The following DIAPH2 variants were observed in gnomAD, a reference collection of about 807,000 sequenced individuals.
The protein encoded by DIAPH2 is diaphanous related formin 2, also known as protein diaphanous homolog 2.
In DIAPH2, 35 loss-of-function variants were observed where a neutral mutation model predicts 92.7. The observed-to-expected ratio is 0.38, with a 90% CI of 0.29 to 0.50. DIAPH2 has a LOEUF of 0.50. DIAPH2 is among the 20% of genes least tolerant of loss of function. The pLI is 0.94. For synonymous variants in DIAPH2, 301 were observed against 280.4 expected (o/e 1.07, Z -0.73); for missense variants, 701 against 819.5 (o/e 0.86, Z 1.77).
rs1412403946 is a variant in DIAPH2 at position 97,319,421 on chromosome X, C to G, written c.2845-28695C>G. ...TTTTTTTTTTTGAGACGGAGTCTCG[C>G]TCTTTGGCCCAGGCCAGACTGCAGT... On this transcript the variant is annotated intron_variant, in intron 23 of 26. Transcript: ENST00000324765. 2.8e-5 allele frequency among the ~76,000 whole-genome samples: 3 copies of G among 107,378 alleles called. No homozygotes were observed. In the Admixed American group the frequency reaches 3.0e-4, roughly 11 times the overall value. 93.2% of individuals were successfully genotyped at this position (107,378 alleles called of 115,157 possible).
At chrX:97,049,633 A>G (rs2066506671) in intron 17 of DIAPH2, among the ~76,000 whole-genome samples, 1 of 111,470 alleles carries the variant, frequency 9.0e-6, no homozygotes. Flanking sequence ...ACTAATTTCT[A>G]CATGTTCAAT....
At chrX:97,445,206 G>A (rs2070296527) in intron 26 of DIAPH2, among the ~76,000 whole-genome samples, 1 of 111,052 alleles carries the variant, frequency 9.0e-6, no homozygotes, top group Non-Finnish European at 1.9e-5. Context: ...TCCTGGCAGA[G>A]GAAGATGCAA....
At chrX:97,440,746 A>G (rs1269406108) in intron 26 of DIAPH2, among the ~76,000 whole-genome samples, 2 of 110,999 alleles carry the variant, frequency 1.8e-5, no homozygotes, top group Non-Finnish European at 1.9e-5. Flanking sequence ...AGCAGAGATT[A>G]CATGGACATA....
chrX:97,303,213 G>C (rs887327422), intron 23 of DIAPH2, among the ~76,000 whole-genome samples: 2 of 111,643 alleles, frequency 1.8e-5, no homozygotes, highest in South Asian at 7.5e-4. Flanking sequence ...GGGTTACTTG[G>C]TGTCTTTGGT....
intron 4 of DIAPH2, among the ~76,000 whole-genome samples, chrX:96,804,308 A>T (rs1026380346): frequency 2.7e-5 from 3 of 111,569 alleles, no homozygotes; most frequent in African/African-American, 6.5e-5. Flanking sequence ...ATTTTCTCAA[A>T]TTTAAATATC....
Position 97,290,079 on chromosome X carries a change from A to G in DIAPH2, c.2844+42240A>G, listed in dbSNP as rs183760358. Among the ~76,000 whole-genome samples, 528 of 103,651 alleles carry G rather than the reference A, an allele frequency of 5.1e-3. 4 individuals are homozygous for G. The highest frequency in any genetic ancestry group is 8.5e-3 in the Admixed American group (80 of 9,379). The allele number at this position is 103,651 out of a possible 115,157, so 90.0% of individuals were successfully genotyped here. ...CTTCCCTTGGCAGTAATTTAAATATATATATATATATATATATAATTAGAT... is the reference window on the plus strand; with the variant it reads ...CTTCCCTTGGCAGTAATTTAAATATGTATATATATATATATATAATTAGAT... On this transcript the variant is annotated intron_variant, in intron 23 of 26. Transcript: ENST00000324765.
chrX:97,078,018 T>C (rs1427092932), intron 19 of DIAPH2, among the ~76,000 whole-genome samples: 1 of 111,943 alleles, frequency 8.9e-6, no homozygotes, highest in Non-Finnish European at 1.9e-5. Flanking sequence ...ATTTGATCTA[T>C]TGAGAGAAAA....
intron 25 of DIAPH2, among the ~76,000 whole-genome samples, chrX:97,421,886 G>C (rs2070012220): frequency 9.0e-6 from 1 of 111,120 alleles, no homozygotes; most frequent in African/African-American, 3.3e-5. Flanking sequence ...TGTAACTCCT[G>C]TATCTTTCAA....
chrX:96,864,690 T>C (rs1357038439), intron 4 of DIAPH2, among the ~76,000 whole-genome samples: 2 of 111,764 alleles, frequency 1.8e-5, no homozygotes, highest in African/African-American at 3.3e-5. Context: ...TTCTGTATCT[T>C]TGTGGCCTTG....
In DIAPH2 at chrX:97,603,498, A is replaced by C. The variant is rs2147892834; in HGVS notation, c.*4181A>C. 1 of 111,553 alleles carries C rather than the reference A, an allele frequency of 9.0e-6. No individual in the cohort carries two copies. The highest frequency in any genetic ancestry group is 3.3e-5 in the African/African-American group (1 of 30,685). The allele number at this position is 111,553 out of a possible 1,213,427, so 9.2% of individuals were successfully genotyped here. A position where few individuals can be genotyped will look rare whatever the true frequency, so the allele number is the denominator to read the frequency against. ...TGCTCTCGAACTCCTAGCCTCAAGC[A>C]ATCCACCCATCTTGGCCTCCTAAAG... On this transcript the variant is annotated 3_prime_UTR_variant, in exon 27 of 27. Coordinates refer to ENST00000324765, the MANE Select transcript of DIAPH2 (RefSeq NM_006729.5).
At chrX:97,089,414 G>A (rs2066806715) in intron 19 of DIAPH2, among the ~76,000 whole-genome samples, 1 of 111,715 alleles carries the variant, frequency 9.0e-6, no homozygotes, top group African/African-American at 3.3e-5. Context: ...TAACTAGTTG[G>A]TGGCACAGTA....
At chrX:97,251,604 G>T (rs1014119962) in intron 23 of DIAPH2, among the ~76,000 whole-genome samples, 1 of 111,012 alleles carries the variant, frequency 9.0e-6, no homozygotes, top group Non-Finnish European at 1.9e-5. Flanking sequence ...TGTATTTTTA[G>T]TAAAGAAGGG....
At chrX:97,369,353 G>C (rs2069419564) in intron 24 of DIAPH2, among the ~76,000 whole-genome samples, 1 of 111,137 alleles carries the variant, frequency 9.0e-6, no homozygotes, top group African/African-American at 3.3e-5. Context: ...ATCTTGTAGT[G>C]ATGGTTAGTG....
At chrX:97,240,738 G>A (rs914273405) in intron 22 of DIAPH2, among the ~76,000 whole-genome samples, 4 of 111,320 alleles carry the variant, frequency 3.6e-5, no homozygotes, top group African/African-American at 1.3e-4. Context: ...GTATACAGTG[G>A]GAATGTGTAT....
At chrX:97,075,032 CTT>C in intron 18 of DIAPH2, 133 bp from the exon 19 acceptor site, 1 of 376,161 alleles carries the variant, frequency 2.7e-6, no homozygotes, top group Non-Finnish European at 4.6e-6. Flanking sequence ...AATGGAACAA[CTT>C]TTGTTTGTTC....
chrX:97,420,891 A>G (rs772115240), intron 25 of DIAPH2, among the ~76,000 whole-genome samples: 1 of 112,047 alleles, frequency 8.9e-6, no homozygotes, highest in Non-Finnish European at 1.9e-5. Flanking sequence ...CTTTCTATTT[A>G]TGCCCTCTTC....
chrX:97,205,209 A>C (rs925544731), intron 22 of DIAPH2, among the ~76,000 whole-genome samples: 4 of 112,368 alleles, frequency 3.6e-5, no homozygotes, highest in Non-Finnish European at 7.5e-5. Flanking sequence ...TAAATCCCAA[A>C]ACCATAAAAA....
intron 25 of DIAPH2, among the ~76,000 whole-genome samples, chrX:97,401,238 A>G (rs751559355): frequency 9.1e-6 from 1 of 110,358 alleles, no homozygotes; most frequent in Admixed American, 9.6e-5. Context: ...TTAACCTCCT[A>G]TGATCTTTCA....
chrX:96,743,727 T>G (rs2064133236), intron 3 of DIAPH2, among the ~76,000 whole-genome samples: 1 of 111,193 alleles, frequency 9.0e-6, no homozygotes, highest in Non-Finnish European at 1.9e-5. Flanking sequence ...GAGGAGATAG[T>G]GGTCAAAGGA....
Sources: allele counts gnomAD v4.1 joint callset (sites outside exome capture counted in the v4.1 genomes callset), GRCh38; gene constraint gnomAD v4.1.1; transcripts MANE v1.5; gene names NCBI Gene and HGNC (gene_info 2026-07-23, HGNC 2026-07-21).